Variants in RALYL observed in about 807,000 individuals in gnomAD.
RALYL encodes the protein RALY RNA binding protein like.
Under a neutral mutation model 35.1 loss-of-function variants are expected in RALYL, and 29 were observed. The ratio of observed to expected loss-of-function variants is 0.83; its 90% CI spans 0.61 to 1.13. The LOEUF (loss-of-function observed/expected upper bound fraction) is 1.13. Ranked by LOEUF, RALYL falls within the 50% of genes most tolerant of loss-of-function variation. The probability of loss-of-function intolerance (pLI) is 0.00; values close to 1 mark genes in which losing one functional copy is unlikely to be tolerated. For synonymous variants in RALYL, 120 were observed against 127.6 expected, an observed-to-expected ratio of 0.94 and a Z score of 0.40; for missense variants, 359 against 360.4, an observed-to-expected ratio of 1.00 and a Z score of 0.03.
intron 1 of RALYL, among the ~76,000 whole-genome samples, chr8:84,423,259 A>G (rs1587066770): frequency 1.3e-5 from 2 of 151,586 alleles, no homozygotes; most frequent in South Asian, 4.2e-4. Flanking sequence ...TATATTTAGG[A>G]TAGTTAGCTC....
intron 2 of RALYL, among the ~76,000 whole-genome samples, chr8:84,658,506 G>A (rs1451270171): frequency 6.6e-6 from 1 of 152,092 alleles, no homozygotes; most frequent in Non-Finnish European, 1.5e-5. Context: ...GATAAACTCT[G>A]TAGTTTTAGA....
chr8:84,404,885 C>G (rs1339010346), intron 1 of RALYL, among the ~76,000 whole-genome samples: 1 of 152,116 alleles, frequency 6.6e-6, no homozygotes, highest in African/African-American at 2.4e-5. Flanking sequence ...TTATAGAACT[C>G]TCCACCCCAA....
At chr8:84,242,392 G>C (rs935270609) in intron 1 of RALYL, among the ~76,000 whole-genome samples, 10 of 152,162 alleles carry the variant, frequency 6.6e-5, no homozygotes, top group Admixed American at 6.6e-4. Flanking sequence ...TGGTATTTCT[G>C]CCTCTAAATC....
intron 1 of RALYL, among the ~76,000 whole-genome samples, chr8:84,253,600 C>T (rs1830656570): frequency 6.6e-6 from 1 of 152,036 alleles, no homozygotes; most frequent in Non-Finnish European, 1.5e-5. Flanking sequence ...TTGTCCTGCT[C>T]TTCAACCCCC....
intron 2 of RALYL, among the ~76,000 whole-genome samples, chr8:84,687,726 A>C (rs1451764593): frequency 1.3e-5 from 2 of 152,084 alleles, no homozygotes; most frequent in African/African-American, 4.8e-5. Context: ...TTTTCTAGAA[A>C]CTTCTTTTAT....
intron 2 of RALYL, among the ~76,000 whole-genome samples, chr8:84,648,900 C>T (rs1260387995): frequency 1.3e-5 from 2 of 151,740 alleles, no homozygotes; most frequent in East Asian, 3.9e-4. Flanking sequence ...AGAAGATTTT[C>T]TCACCAAATC....
At chr8:84,268,949 T>A (rs999785569) in intron 1 of RALYL, among the ~76,000 whole-genome samples, 1 of 152,176 alleles carries the variant, frequency 6.6e-6, no homozygotes, top group South Asian at 2.1e-4. Flanking sequence ...ATTAAGGGTA[T>A]TTTTAAAAGT....
At chr8:84,433,418 T>C (rs892642213) in intron 1 of RALYL, among the ~76,000 whole-genome samples, 1 of 152,164 alleles carries the variant, frequency 6.6e-6, no homozygotes, top group African/African-American at 2.4e-5. Flanking sequence ...TTTTGTAACA[T>C]AGCACCTAAA....
intron 2 of RALYL, among the ~76,000 whole-genome samples, chr8:84,634,509 C>G (rs1176778313): frequency 6.6e-6 from 1 of 151,832 alleles, no homozygotes; most frequent in African/African-American, 2.4e-5. Context: ...TTGCTGGCAT[C>G]AAAATACATT....
intron 2 of RALYL, among the ~76,000 whole-genome samples, chr8:84,618,246 T>G (rs1428692537): frequency 6.6e-6 from 1 of 151,876 alleles, no homozygotes; most frequent in East Asian, 1.9e-4. Flanking sequence ...GTTGGTAAGC[T>G]ATTGATTATT....
chr8:84,446,713 G>A (rs2048895895), intron 1 of RALYL, among the ~76,000 whole-genome samples: 1 of 152,062 alleles, frequency 6.6e-6, no homozygotes, highest in Admixed American at 6.6e-5. Context: ...GTGGCAGGCT[G>A]TGAATATAAA....
At chr8:84,785,208 A>G (rs1212632797) in intron 3 of RALYL, among the ~76,000 whole-genome samples, 1 of 152,094 alleles carries the variant, frequency 6.6e-6, no homozygotes, top group East Asian at 1.9e-4. Context: ...CATGATGATG[A>G]GAGTTTATGT....
chr8:84,649,219 A>G (rs1053177579), intron 2 of RALYL, among the ~76,000 whole-genome samples: 8 of 151,978 alleles, frequency 5.3e-5, no homozygotes, highest in African/African-American at 1.9e-4. Context: ...ATCTTCTCCC[A>G]TTTTTTAGGT....
chr8:84,694,056 A>G (rs1838635771), intron 2 of RALYL, among the ~76,000 whole-genome samples: 1 of 151,922 alleles, frequency 6.6e-6, no homozygotes, highest in Non-Finnish European at 1.5e-5. Flanking sequence ...GATTAGGAAC[A>G]AGAACCCCAC....
intron 3 of RALYL, among the ~76,000 whole-genome samples, chr8:84,785,365 A>C (rs1819175591): frequency 6.6e-6 from 1 of 152,196 alleles, no homozygotes; most frequent in African/African-American, 2.4e-5. Context: ...GTGATTATAA[A>C]AAAAAATCAA....
chr8:84,895,294 T>C (rs927860246), intron 8 of RALYL, among the ~76,000 whole-genome samples: 2 of 151,326 alleles, frequency 1.3e-5, no homozygotes. Flanking sequence ...CCATGGTGCA[T>C]GTGTCCTGCA....
intron 1 of RALYL, among the ~76,000 whole-genome samples, chr8:84,474,994 G>T (rs181467906): frequency 6.6e-5 from 10 of 151,232 alleles, no homozygotes; most frequent in South Asian, 2.1e-4. Flanking sequence ...CATGTGCCAT[G>T]TTGGTTTGCT....
At chr8:84,874,964 G>A (rs1223701833) in intron 7 of RALYL, among the ~76,000 whole-genome samples, 2 of 151,996 alleles carry the variant, frequency 1.3e-5, no homozygotes, top group African/African-American at 4.8e-5. Flanking sequence ...CCTAGCACAT[G>A]GTCAACTCAC....
At chr8:84,913,985 A>T (rs149085481) in intron 8 of RALYL, among the ~76,000 whole-genome samples, 2 of 152,120 alleles carry the variant, frequency 1.3e-5, no homozygotes, top group Non-Finnish European at 2.9e-5. Context: ...ATTAAATGAA[A>T]ATTGTTAAAC....
Sources: gnomAD v4.1 joint callset for allele counts (sites outside exome capture counted in the v4.1 genomes callset) on GRCh38, gnomAD v4.1.1 for gene constraint, MANE v1.5 for transcripts, NCBI Gene and HGNC (gene_info 2026-07-23, HGNC 2026-07-21) for gene names.